TLK2: variants seen among roughly 807,000 people sequenced by gnomAD.
TLK2 encodes the protein tousled like kinase 2, also known as serine/threonine-protein kinase tousled-like 2.
TLK2 carries 6 observed loss-of-function variants against 117.3 expected under a neutral mutation model. The ratio of observed to expected loss-of-function variants is 0.05; its 90% CI spans 0.03 to 0.10. TLK2 has a LOEUF of 0.10. Among genes scored for constraint, TLK2 ranks in the 10% least tolerant of loss-of-function variants. The probability of loss-of-function intolerance (pLI) is 1.00; values close to 1 mark genes in which losing one functional copy is unlikely to be tolerated. For missense variants in TLK2, 299 were observed against 901.2 expected, an observed-to-expected ratio of 0.33 and a Z score of 8.56; for synonymous variants, 257 against 316.7, an observed-to-expected ratio of 0.81 and a Z score of 2.00.
intron 1 of TLK2, among the ~76,000 whole-genome samples, chr17:62,473,082 T>A (rs1001869514): frequency 6.6e-6 from 1 of 152,184 alleles, no homozygotes. Flanking sequence ...GAGCAGGTCA[T>A]GTCTCCTGGT....
At chr17:62,576,903 C>T (rs1273264781) in intron 13 of TLK2, 128 bp downstream of exon 13, 2 of 649,032 alleles carry the variant, frequency 3.1e-6, no homozygotes, top group East Asian at 5.6e-5. Context: ...TCAGTGACTG[C>T]TTTCACTGTC....
At chr17:62,591,172 C>A (rs911519678) in intron 16 of TLK2, among the ~76,000 whole-genome samples, 1 of 151,990 alleles carries the variant, frequency 6.6e-6, no homozygotes, top group Non-Finnish European at 1.5e-5. Flanking sequence ...TCCCTTGAAC[C>A]CAGGAGGCGG....
intron 21 of TLK2, chr17:62,612,172 G>A (rs1293392979): frequency 4.3e-6 from 2 of 466,746 alleles, no homozygotes; most frequent in Non-Finnish European, 7.5e-6. Flanking sequence ...AGCCCTTTCT[G>A]TCTGAGAAGG....
intron 13 of TLK2, among the ~76,000 whole-genome samples, chr17:62,578,236 A>G (rs1201133863): frequency 6.6e-6 from 1 of 152,174 alleles, no homozygotes; most frequent in Non-Finnish European, 1.5e-5. Context: ...GTGGGCATGG[A>G]GAGGAGGGAG....
At chr17:62,584,777 T>G (rs978330144) in intron 15 of TLK2, among the ~76,000 whole-genome samples, 1 of 152,266 alleles carries the variant, frequency 6.6e-6, no homozygotes, top group African/African-American at 2.4e-5. Context: ...TTCTCTATTT[T>G]ATAAGCAGCT....
chr17:62,513,928 C>A (rs1235768991), intron 2 of TLK2, among the ~76,000 whole-genome samples: 1 of 151,644 alleles, frequency 6.6e-6, no homozygotes, highest in Non-Finnish European at 1.5e-5. Flanking sequence ...ACCTTGTGAT[C>A]CACCCGCCTC....
At chr17:62,485,906 C>T (rs141344800) in intron 2 of TLK2, among the ~76,000 whole-genome samples, 3 of 151,218 alleles carry the variant, frequency 2.0e-5, no homozygotes, top group Middle Eastern at 3.4e-3. Flanking sequence ...CTGCAAGCTC[C>T]GCCTCCCAGG....
intron 10 of TLK2, among the ~76,000 whole-genome samples, chr17:62,560,895 T>C (rs1288713344): frequency 1.3e-5 from 2 of 152,132 alleles, no homozygotes; most frequent in Admixed American, 6.6e-5. Flanking sequence ...GTTACATATG[T>C]ATACATGTGC....
chr17:62,527,128 C>T (rs1373502942), intron 6 of TLK2, among the ~76,000 whole-genome samples: 1 of 152,132 alleles, frequency 6.6e-6, no homozygotes, highest in Non-Finnish European at 1.5e-5. Flanking sequence ...TTCCCTCTTC[C>T]AGGAACATTC....
intron 17 of TLK2, among the ~76,000 whole-genome samples, chr17:62,599,791 C>A (rs548935443): frequency 1.3e-5 from 2 of 152,190 alleles, no homozygotes; most frequent in African/African-American, 2.4e-5. Flanking sequence ...CTGACTGATA[C>A]ACCCACATTG....
chr17:62,580,128 C>T lies in TLK2; in HGVS notation c.1304C>T (p.Thr435Met), dbSNP rs764264488. The change falls in exon 15 of 22, where the codon ACG becomes ATG. Residue 435 changes from threonine (T) to methionine (M), a missense_variant. Around this residue, in one of 4 missense-constraint regions of TLK2, gnomAD observed 81 missense variants for 370.9 expected, o/e 0.22. Coordinates refer to ENST00000346027, the MANE Select transcript of TLK2 (RefSeq NM_006852.6). Reference sequence around the variant, plus strand: ...TTCCACAGATTTAAAGATCATCCAACGCTAAATGACAGATATTTGTTGTTA... The same window carrying T: ...TTCCACAGATTTAAAGATCATCCAATGCTAAATGACAGATATTTGTTGTTA... ...EDNSQFKDHP[T>M]LNDRYLLLHL... is the part of the protein sequence containing the mutation. The T allele has an allele frequency of 5.6e-6, 9 of 1,612,572 alleles. No homozygotes were observed. The highest frequency in any genetic ancestry group is 1.7e-4 in the Middle Eastern group (1 of 6,038).
At chr17:62,554,733 T>C (rs2078719530) in intron 9 of TLK2, among the ~76,000 whole-genome samples, 1 of 151,848 alleles carries the variant, frequency 6.6e-6, no homozygotes, top group African/African-American at 2.4e-5. Context: ...AATACAAAAT[T>C]TGCCAGGCAT....
chr17:62,592,277 TA>T (rs2082138550), intron 16 of TLK2, among the ~76,000 whole-genome samples: 1 of 152,162 alleles, frequency 6.6e-6, no homozygotes, highest in Non-Finnish European at 1.5e-5. Context: ...ATTCTTAAAA[TA>T]GTATTGGTAA....
rs972271377 is a variant in TLK2, at chr17:62,586,033, A to G, written c.1369-102A>G. On this transcript the variant is annotated intron_variant, in intron 15 of 21. Transcript: ENST00000346027. Reference sequence around the variant, plus strand: ...AAGTATGTGATGTATTTAATAATGTATTTTGGACTTTGATTATGTTATATG... The same window carrying G: ...AAGTATGTGATGTATTTAATAATGTGTTTTGGACTTTGATTATGTTATATG... The G allele has an allele frequency of 8.7e-6, 7 of 802,952 alleles. No homozygotes were observed. The African/African-American group carries it at 1.2e-4, about 14-fold the overall frequency. The allele number at this position is 802,952 out of a possible 1,614,324, so 49.7% of individuals were successfully genotyped here. A position where few individuals can be genotyped will look rare whatever the true frequency, so the allele number is the denominator to read the frequency against.
At chr17:62,534,755 A>G (rs999926009) in intron 6 of TLK2, among the ~76,000 whole-genome samples, 2 of 151,992 alleles carry the variant, frequency 1.3e-5, no homozygotes, top group South Asian at 2.1e-4. Flanking sequence ...TAATATGAGA[A>G]TGTGTTACTT....
At chr17:62,606,006 CAAAAAAAAAAAA>C (rs71155942) in intron 19 of TLK2, 112 bp from the exon 20 acceptor site, 3 of 133,082 alleles carry the variant, frequency 2.3e-5, no homozygotes, top group Non-Finnish European at 4.1e-5. Context: ...ACCCTGTCTC[CAAAAAAAAAAAA>C]AAAAAAAACG....
At chr17:62,608,558 A>T (rs962915850) in intron 21 of TLK2, among the ~76,000 whole-genome samples, 1 of 152,202 alleles carries the variant, frequency 6.6e-6, no homozygotes, top group African/African-American at 2.4e-5. Context: ...CATTTGTATT[A>T]GTCTGTTCTC....
At chr17:62,508,168 GTTT>G (rs34268998) in intron 2 of TLK2, among the ~76,000 whole-genome samples, 1 of 125,758 alleles carries the variant, frequency 8.0e-6, no homozygotes. Flanking sequence ...AAATTTCCTA[GTTT>G]TTTTTTTTTT....
At chr17:62,610,352 C>T (rs1000570353) in intron 21 of TLK2, among the ~76,000 whole-genome samples, 10 of 152,158 alleles carry the variant, frequency 6.6e-5, no homozygotes, top group Admixed American at 3.3e-4. Flanking sequence ...GACACTATTC[C>T]GGGTAGTGGA....
Sources: allele counts gnomAD v4.1 joint callset (sites outside exome capture counted in the v4.1 genomes callset), GRCh38; gene constraint gnomAD v4.1.1; regional missense constraint gnomAD v4.1.1; transcripts MANE v1.5; gene names NCBI Gene and HGNC (gene_info 2026-07-23, HGNC 2026-07-21).